The following PIGN variants were observed in gnomAD, a reference collection of about 807,000 sequenced individuals.
PIGN encodes GPI ethanolamine phosphate transferase 1.
PIGN carries 117 observed loss-of-function variants against 125.4 expected under a neutral mutation model. The ratio of observed to expected loss-of-function variants is 0.93; its 90% CI spans 0.80 to 1.09. The LOEUF is 1.09. Among genes scored for constraint, PIGN ranks in the 50% least tolerant of loss-of-function variants. The pLI, the probability that PIGN is intolerant of heterozygous loss-of-function variation, is 0.00. For missense variants in PIGN, 1,075 were observed against 1,094.9 expected (o/e 0.98, Z 0.26); for synonymous variants, 392 against 377.8 (o/e 1.04, Z -0.44).
rs528609205 is a variant in PIGN, at chr18:62,033,852, A to G, written c.2143-16111T>C. On this transcript the variant is annotated intron_variant, in intron 23 of 24. Coordinates refer to the PIGN transcript ENST00000639600. ...GGTGAAGCCTGTAAACAAATTTAAT[A>G]CAATTTAATGTTTCAATCTAATCTA... is the stretch of plus-strand genomic sequence containing the variant. Among the ~76,000 whole-genome samples, 22 of 152,370 alleles carry G rather than the reference A, an allele frequency of 1.4e-4. No individual in the cohort carries two copies. The South Asian group carries it at 4.6e-3, about 32-fold the overall frequency.
chr18:62,163,389 G>A (rs1281476366), intron 2 of PIGN, 142 bp downstream of exon 2: 2 of 152,138 alleles, frequency 1.3e-5, no homozygotes, highest in African/African-American at 4.8e-5. Context: ...GGTCCCCGAA[G>A]AAACCTAGAT....
chr18:62,056,169 A>C (rs1242076173), intron 30 of PIGN, among the ~76,000 whole-genome samples: 2 of 151,328 alleles, frequency 1.3e-5, no homozygotes, highest in African/African-American at 4.8e-5. Context: ...GCAAAACCAA[A>C]ATGCCAAAGG....
chr18:62,165,087 T>C lies in PIGN; in HGVS notation c.-235-1431A>G, dbSNP rs183803389. ...GTTGGATCCCACATGAATGGCTTGG[T>C]GCTATTCTCACAGCACTGAGTTCTC... On this transcript the variant is annotated intron_variant, in intron 1 of 30. Transcript: ENST00000640252. Among the ~76,000 whole-genome samples the C allele has an allele frequency of 2.9e-4, 44 of 152,298 alleles. 1 individual carries two copies. In the East Asian group the frequency reaches 6.8e-3, roughly 23 times the overall value.
intron 16 of PIGN, 79 bp downstream of exon 16, chr18:62,113,055 A>G: frequency 9.6e-7 from 1 of 1,036,276 alleles, no homozygotes; most frequent in African/African-American, 1.6e-5. Context: ...TGACTTGCAC[A>G]TCCTATAAAC....
At chr18:62,090,958 G>A (rs1186939213) in intron 23 of PIGN, among the ~76,000 whole-genome samples, 1 of 152,042 alleles carries the variant, frequency 6.6e-6, no homozygotes, top group Non-Finnish European at 1.5e-5. Flanking sequence ...TCAAAAAAAT[G>A]GGCGCAACAA....
At chr18:62,061,511 CAAAAA>C (rs373391589) in intron 30 of PIGN, among the ~76,000 whole-genome samples, 1 of 33,212 alleles carries the variant, frequency 3.0e-5, no homozygotes, top group African/African-American at 8.2e-5. Flanking sequence ...GACTCCGTCT[CAAAAA>C]AAAAAAAAAA....
intron 23 of PIGN, among the ~76,000 whole-genome samples, chr18:62,019,633 C>G (rs2030027101): frequency 6.6e-6 from 1 of 152,216 alleles, no homozygotes; most frequent in Non-Finnish European, 1.5e-5. Flanking sequence ...TGAGCCACTT[C>G]TCCATGGCTT....
intron 14 of PIGN, among the ~76,000 whole-genome samples, chr18:62,132,260 G>A (rs62095339): frequency 0.17 from 25,750 of 152,080 alleles, 2,937 homozygotes; most frequent in Middle Eastern, 0.29. Flanking sequence ...GAAATAAAGG[G>A]TCGATGGTAC....
chr18:62,146,917 T>C, intron 9 of PIGN, 54 bp downstream of exon 9: 1 of 1,559,018 alleles, frequency 6.4e-7, no homozygotes, highest in South Asian at 1.1e-5. Context: ...ATTTACCAGC[T>C]ACATTTATCA....
In PIGN at chr18:62,031,648, T is replaced by G. The variant is rs189322881; in HGVS notation, c.2143-13907A>C. On this transcript the variant is annotated intron_variant, in intron 23 of 24. Transcript: ENST00000639600. ...CAAACATGCAGGCACAGCCCGGATTTTGCCTCAAAAATGAATATTCAAAAG... is the reference window on the plus strand; with the variant it reads ...CAAACATGCAGGCACAGCCCGGATTGTGCCTCAAAAATGAATATTCAAAAG... Among the ~76,000 whole-genome samples the G allele has an allele frequency of 7.8e-4, 119 of 152,316 alleles. No homozygotes were observed. The Middle Eastern group carries it at 0.01, about 13-fold the overall frequency.
In PIGN at chr18:62,114,611, T is replaced by A; in HGVS notation, c.1201A>T (p.Ile401Phe). The A allele has an allele frequency of 6.6e-7, 1 of 1,521,774 alleles. No homozygotes were observed. The highest frequency in any genetic ancestry group is 1.2e-5 in the South Asian group (1 of 83,234). 94.3% of individuals were successfully genotyped at this position (1,521,774 alleles called of 1,614,324 possible). A position where few individuals can be genotyped will look rare whatever the true frequency, so the allele number is the denominator to read the frequency against. The change falls in exon 15 of 31, where the codon ATT becomes TTT. Residue 401 changes from isoleucine (I) to phenylalanine (F), a missense_variant. Transcript: ENST00000640252. ...KLLSDSKQFN[I>F]LRKARSYIKH... ...ATATAAGATCTTGCTTTTCTTAAAA[T>A]GTTGAACTGTTTGGAATCAGAAAGC...
In PIGN at chr18:62,045,573, C is replaced by T. The variant is rs2030607651; in HGVS notation, c.*283G>A. On this transcript the variant is annotated 3_prime_UTR_variant, in exon 31 of 31. Transcript: ENST00000640252. The stretch of plus-strand genomic sequence containing the variant: ...ACCAGATTGCTGCAGGTGCTCTCAA[C>T]ATCACTGGGAAGAGCTGCCAGCCAA... 7.8e-6 allele frequency: 2 copies of T among 257,560 alleles called. No homozygotes were observed. Among genetic ancestry groups the T allele is most frequent in the South Asian group, 5.5e-5 (1 of 18,272 alleles). The allele number at this position is 257,560 out of a possible 1,614,324, so 16.0% of individuals were successfully genotyped here.
chr18:62,054,241 A>G (rs564606122), intron 30 of PIGN, among the ~76,000 whole-genome samples: 1 of 152,262 alleles, frequency 6.6e-6, no homozygotes, highest in South Asian at 2.1e-4. Flanking sequence ...CATGGACTTA[A>G]AAGTAAAATG....
At chr18:62,072,010 C>T (rs938991374) in intron 30 of PIGN, among the ~76,000 whole-genome samples, 5 of 148,184 alleles carry the variant, frequency 3.4e-5, no homozygotes, top group African/African-American at 4.9e-5. Flanking sequence ...TGCCTGTGAA[C>T]ACCTTCCAGT....
In PIGN at chr18:62,044,295, T is replaced by C. The variant is rs2030505247; in HGVS notation, c.*1561A>G. 1 of 152,208 alleles carries C rather than the reference T, an allele frequency of 6.6e-6. No homozygotes were observed. Among genetic ancestry groups the C allele is most frequent in the African/African-American group, 2.4e-5 (1 of 41,460 alleles). The allele number at this position is 152,208 out of a possible 1,614,324, so 9.4% of individuals were successfully genotyped here. A position where few individuals can be genotyped will look rare whatever the true frequency, so the allele number is the denominator to read the frequency against. On this transcript the variant is annotated 3_prime_UTR_variant, in exon 31 of 31. Coordinates refer to ENST00000640252, the MANE Select transcript of PIGN (RefSeq NM_176787.5). Reference sequence around the variant, plus strand: ...TTTGGGAAAAGATAAAAGGCAAAACTACACATAGAAAAAGGTCAGTGATAA... The same window carrying C: ...TTTGGGAAAAGATAAAAGGCAAAACCACACATAGAAAAAGGTCAGTGATAA...
chr18:62,099,164 T>C lies in PIGN; in HGVS notation c.2077+1911A>G, dbSNP rs573209608. On this transcript the variant is annotated intron_variant, in intron 22 of 30. Coordinates refer to ENST00000640252, the MANE Select transcript of PIGN (RefSeq NM_176787.5). The stretch of plus-strand genomic sequence containing the variant: ...GAAAAAAAATTGTCGAATTGGCATA[T>C]AAAGCAAAACCTAACTCTACGCAGA... 2.0e-5 allele frequency among the ~76,000 whole-genome samples: 3 copies of C among 152,094 alleles called. No individual in the cohort carries two copies. In the South Asian group the frequency reaches 6.2e-4, roughly 32 times the overall value.
At chr18:62,085,134 A>G in intron 26 of PIGN, 75 bp downstream of exon 26, 1 of 824,108 alleles carries the variant, frequency 1.2e-6, no homozygotes, top group Non-Finnish European at 2.0e-6. Flanking sequence ...AATAAGGTAC[A>G]GAACAAAAGG....
At chr18:62,151,218 T>A (rs1457777907) in intron 7 of PIGN, among the ~76,000 whole-genome samples, 1 of 151,950 alleles carries the variant, frequency 6.6e-6, no homozygotes, top group African/African-American at 2.4e-5. Flanking sequence ...CAGGCATGAG[T>A]GGGGCAAGGG....
At chr18:62,053,450 A>T (rs1212900249) in intron 30 of PIGN, among the ~76,000 whole-genome samples, 2 of 152,256 alleles carry the variant, frequency 1.3e-5, no homozygotes, top group Non-Finnish European at 2.9e-5. Context: ...TAACATATCA[A>T]TAACTGCATT....
Sources: allele counts gnomAD v4.1 joint callset (sites outside exome capture counted in the v4.1 genomes callset), GRCh38; gene constraint gnomAD v4.1.1; transcripts MANE v1.5; gene names NCBI Gene and HGNC (gene_info 2026-07-23, HGNC 2026-07-21).